Variants in CCDC68 observed in about 807,000 individuals in gnomAD.
CCDC68 encodes the protein coiled-coil domain-containing protein 68.
Under a neutral mutation model 47.1 loss-of-function variants are expected in CCDC68, and 45 were observed. That is an observed-to-expected ratio of 0.96 (90% CI 0.75 to 1.23). The LOEUF is 1.23. Ranked by LOEUF, CCDC68 falls within the 50% of genes most tolerant of loss-of-function variation. CCDC68 has a pLI of 0.00. For missense variants in CCDC68, 353 were observed against 373.6 expected (o/e 0.94, Z 0.45); for synonymous variants, 131 against 129.5 (o/e 1.01, Z -0.08).
At chr18:54,905,320 G>C (rs1366009363) in intron 11 of CCDC68, among the ~76,000 whole-genome samples, 1 of 147,050 alleles carries the variant, frequency 6.8e-6, no homozygotes, top group African/African-American at 2.5e-5. Context: ...AAGAGGGGAG[G>C]GGAAAGGAAG....
intron 11 of CCDC68, among the ~76,000 whole-genome samples, chr18:54,907,197 C>T (rs920820868): frequency 6.6e-6 from 1 of 152,112 alleles, no homozygotes. Flanking sequence ...TGCCAACAAC[C>T]ACAACAAAAA....
In CCDC68 at chr18:54,945,736, T is replaced by G. The variant is rs75278715; in HGVS notation, c.-102-259A>C. 9.6e-3 allele frequency among the ~76,000 whole-genome samples: 1,461 copies of G among 152,352 alleles called. 10 individuals are homozygous for G. The highest frequency in any genetic ancestry group is 0.032 in the African/African-American group (1,351 of 41,572). On this transcript the variant is annotated intron_variant, in intron 1 of 11. Coordinates refer to ENST00000591504, the MANE Select transcript of CCDC68 (RefSeq NM_025214.3). ...AATATTTGTTTCCGCTGAAGTTGATTTGGCAGCAGCAACTCTGCAAGTGTG... is the reference window on the plus strand; with the variant it reads ...AATATTTGTTTCCGCTGAAGTTGATGTGGCAGCAGCAACTCTGCAAGTGTG...
intron 8 of CCDC68, among the ~76,000 whole-genome samples, chr18:54,921,986 T>G (rs1599044057): frequency 6.6e-6 from 1 of 152,174 alleles, no homozygotes; most frequent in South Asian, 2.1e-4. Flanking sequence ...CCCTTGTTTT[T>G]TTTTCCATGG....
rs138827522 is a variant in CCDC68, at chr18:54,910,626, G to A, written c.874-2764C>T. 5.4e-3 allele frequency among the ~76,000 whole-genome samples: 826 copies of A among 152,346 alleles called. 2 individuals are homozygous for A. Among genetic ancestry groups the A allele is most frequent in the Non-Finnish European group, 8.5e-3 (576 of 68,026 alleles). ...CTGCCCAGGAGCCTGTCTGCCTTCT[G>A]CTGTGGTTCATAGCACCCAGGCTGT... On this transcript the variant is annotated intron_variant, in intron 10 of 11. Coordinates refer to ENST00000591504, the MANE Select transcript of CCDC68 (RefSeq NM_025214.3).
At chr18:54,906,721 T>G (rs960766095) in intron 11 of CCDC68, among the ~76,000 whole-genome samples, 1 of 152,182 alleles carries the variant, frequency 6.6e-6, no homozygotes, top group East Asian at 1.9e-4. Flanking sequence ...GCTTCTGAAA[T>G]GTAGGCATTT....
In CCDC68 at chr18:54,904,408, T is replaced by C; in HGVS notation, c.958A>G (p.Lys320Glu). The C allele has an allele frequency of 6.2e-7, 1 of 1,613,002 alleles. No individual in the cohort carries two copies. Among genetic ancestry groups the C allele is most frequent in the East Asian group, 2.2e-5 (1 of 44,852 alleles). Residue 320 changes from lysine (K) to glutamate (E), a missense_variant, in exon 12 of 12, where the codon AAG becomes GAG. Lys to Glu is a moderately conservative substitution (Grantham distance 56, BLOSUM62 1). Coordinates refer to ENST00000591504, the MANE Select transcript of CCDC68 (RefSeq NM_025214.3). Reference sequence around the variant, plus strand: ...AAATAAGGGGAAACACCTTCGGTCTTCAATTCACTGTAGAAAAGACAACAC... The same window carrying C: ...AAATAAGGGGAAACACCTTCGGTCTCCAATTCACTGTAGAAAAGACAACAC... ...VSKAVSTSELKTEGVSPYLML... is the reference protein window; with the variant it reads ...VSKAVSTSELETEGVSPYLML...
intron 7 of CCDC68, 24 bp downstream of exon 7, chr18:54,934,796 T>C (rs776639074): frequency 6.4e-6 from 9 of 1,411,670 alleles, no homozygotes; most frequent in Non-Finnish European, 9.3e-7. Flanking sequence ...AGTAAGAAAA[T>C]CCTCTAATTC....
At chr18:54,922,284 G>A (rs968942866) in intron 8 of CCDC68, among the ~76,000 whole-genome samples, 4 of 152,142 alleles carry the variant, frequency 2.6e-5, no homozygotes, top group African/African-American at 4.8e-5. Flanking sequence ...GCGGGGAGAT[G>A]GAAGAGCCTT....
intron 11 of CCDC68, 62 bp from the exon 12 acceptor site, chr18:54,904,477 G>C (rs1484142144): frequency 5.4e-6 from 7 of 1,289,714 alleles, no homozygotes; most frequent in Non-Finnish European, 6.8e-6. Flanking sequence ...ATTATGGCTA[G>C]ACTACCATAC....
intron 11 of CCDC68, among the ~76,000 whole-genome samples, chr18:54,906,056 A>G (rs1913989717): frequency 6.6e-6 from 1 of 152,190 alleles, no homozygotes; most frequent in African/African-American, 2.4e-5. Flanking sequence ...CATTATAGTG[A>G]GTTTATAATT....
chr18:54,959,026 A>G (rs2145691573), intron 1 of CCDC68, among the ~76,000 whole-genome samples: 1 of 152,328 alleles, frequency 6.6e-6, no homozygotes, highest in African/African-American at 2.4e-5. Context: ...GGGACCCCTG[A>G]CAAACGGATT....
intron 10 of CCDC68, among the ~76,000 whole-genome samples, chr18:54,915,671 G>C (rs905985587): frequency 1.3e-5 from 2 of 152,190 alleles, no homozygotes; most frequent in African/African-American, 4.8e-5. Flanking sequence ...GCTCATGTCT[G>C]TAATCCCAGC....
chr18:54,945,680 T>C (rs57897499), intron 1 of CCDC68, among the ~76,000 whole-genome samples: 26,604 of 152,234 alleles, frequency 0.17, 2,879 homozygotes, highest in East Asian at 0.32. Flanking sequence ...CATTTTATTA[T>C]AAATCCTCTT....
rs528408718 is a variant in CCDC68, at chr18:54,933,333, G to T, written c.600+1487C>A. 2.0e-5 allele frequency among the ~76,000 whole-genome samples: 3 copies of T among 151,994 alleles called. No individual in the cohort carries two copies. The South Asian group carries it at 6.2e-4, about 32-fold the overall frequency. On this transcript the variant is annotated intron_variant, in intron 7 of 11. Transcript: ENST00000591504. ...TTTGACTTCATGATCTGCCCACCTC[G>T]GCCTCCCAAAGTGCTGGGATTATAG...
chr18:54,907,519 A>G (rs1434136042), intron 11 of CCDC68, among the ~76,000 whole-genome samples: 1 of 152,218 alleles, frequency 6.6e-6, no homozygotes, highest in Admixed American at 6.5e-5. Flanking sequence ...TAGGTGTTGG[A>G]GTTGAGATTG....
At chr18:54,916,649 G>A (rs1188160214) in intron 10 of CCDC68, among the ~76,000 whole-genome samples, 1 of 152,132 alleles carries the variant, frequency 6.6e-6, no homozygotes, top group Admixed American at 6.5e-5. Flanking sequence ...AGGTGCTGTG[G>A]GGTCTTCAGA....
chr18:54,928,687 G>A (rs2044188701), intron 8 of CCDC68, 113 bp downstream of exon 8: 1 of 683,320 alleles, frequency 1.5e-6, no homozygotes, highest in Non-Finnish European at 2.6e-6. Context: ...CTCCTGCACT[G>A]TCAGTCATCC....
At chr18:54,953,638 C>T (rs943424021) in intron 1 of CCDC68, among the ~76,000 whole-genome samples, 6 of 97,428 alleles carry the variant, frequency 6.2e-5, no homozygotes, top group Non-Finnish European at 1.3e-4. Context: ...CTAGCTCACG[C>T]TACATGACTA....
Position 54,917,986 on chromosome 18 carries a change from A to C in CCDC68, c.800T>G (p.Leu267Ter). The C allele has an allele frequency of 7.0e-7, 1 of 1,429,716 alleles. No homozygotes were observed. The highest frequency in any genetic ancestry group is 9.8e-7 in the Non-Finnish European group (1 of 1,023,548). 88.6% of individuals were successfully genotyped at this position (1,429,716 alleles called of 1,614,324 possible). Residue 267 changes from leucine to a stop codon, truncating the protein, a stop_gained, in exon 10 of 12, where the codon TTA becomes TGA. Coordinates refer to ENST00000591504, the MANE Select transcript of CCDC68 (RefSeq NM_025214.3). LOFTEE classifies it high-confidence loss of function. Reference sequence around the variant, plus strand: ...GTCTTGTTCTTTTAAATTATTTTTTAATCCTTCCATCTAAGAATTAGAAAA... The same window carrying C: ...GTCTTGTTCTTTTAAATTATTTTTTCATCCTTCCATCTAAGAATTAGAAAA... The part of the protein sequence containing the change: ...LRSVIQEMEG[L>*]KNNLKEQDKR...
Sources: allele counts gnomAD v4.1 joint callset (sites outside exome capture counted in the v4.1 genomes callset), GRCh38; gene constraint gnomAD v4.1.1; transcripts MANE v1.5; gene names NCBI Gene and HGNC (gene_info 2026-07-23, HGNC 2026-07-21).